The following ZYG11A variants were observed in gnomAD, a reference collection of about 807,000 sequenced individuals.
ZYG11A encodes the protein zyg-11 family member A, cell cycle regulator.
A neutral mutation model predicts 77.2 loss-of-function variants in ZYG11A; 62 were observed. The observed-to-expected ratio is 0.80, with a 90% CI of 0.65 to 0.99. The LOEUF (loss-of-function observed/expected upper bound fraction) is 0.99. Ranked by LOEUF, ZYG11A falls within the 50% of genes least tolerant of loss-of-function variation. The probability of loss-of-function intolerance (pLI) is 0.00; values close to 1 mark genes in which losing one functional copy is unlikely to be tolerated. For synonymous variants in ZYG11A, 315 were observed against 324.6 expected (o/e 0.97, Z 0.32); for missense variants, 828 against 896.8 (o/e 0.92, Z 0.98).
chr1:52,847,732 C>T (rs1278780134), intron 1 of ZYG11A, among the ~76,000 whole-genome samples: 1 of 149,174 alleles, frequency 6.7e-6, no homozygotes, highest in Admixed American at 6.7e-5. Flanking sequence ...TGCAGTGGCG[C>T]GATCTCGGTT....
At position 52,892,882 on chromosome 1, in the gene ZYG11A, A is replaced by G; in HGVS notation, c.2205A>G (p.Ala735=). Reference sequence around the variant, plus strand: ...CAACCCCCAAAGCACAGCAGATTGCAGCCTCCATTCTGGATGACTTCAGAA... The same window carrying G: ...CAACCCCCAAAGCACAGCAGATTGCGGCCTCCATTCTGGATGACTTCAGAA... The part of the protein sequence containing the change: ...SEATPKAQQI[A]ASILDDFRMH... Residue 735 remains alanine, a synonymous_variant, in exon 14 of 14, where the codon GCA becomes GCG. Transcript: ENST00000371528. 1 of 1,551,848 alleles carries G rather than the reference A, an allele frequency of 6.4e-7. No homozygotes were observed. Among genetic ancestry groups the G allele is most frequent in the East Asian group, 2.4e-5 (1 of 40,926 alleles).
chr1:52,884,482 CGA>C (rs2150020390), intron 11 of ZYG11A, among the ~76,000 whole-genome samples: 1 of 110,968 alleles, frequency 9.0e-6, no homozygotes, highest in South Asian at 3.2e-4. Context: ...GGCAACAGAG[CGA>C]GACTGCCTCA....
At chr1:52,867,078 T>C (rs1370879900) in intron 6 of ZYG11A, among the ~76,000 whole-genome samples, 1 of 152,194 alleles carries the variant, frequency 6.6e-6, no homozygotes, top group East Asian at 1.9e-4. Flanking sequence ...ACATTTATAA[T>C]AGTTGACATA....
chr1:52,885,490 C>T (rs1251462486), intron 11 of ZYG11A, among the ~76,000 whole-genome samples: 2 of 152,184 alleles, frequency 1.3e-5, no homozygotes, highest in East Asian at 1.9e-4. Flanking sequence ...AGGCGTGAGC[C>T]ACTGTGCCCA....
At chr1:52,867,843 A>G in intron 8 of ZYG11A, 66 bp downstream of exon 8, 1 of 1,352,888 alleles carries the variant, frequency 7.4e-7, no homozygotes, top group African/African-American at 1.5e-5. Context: ...ATAGCTTAAA[A>G]AAAAAATCAA....
chr1:52,863,176 G>A (rs1340451370), intron 4 of ZYG11A, among the ~76,000 whole-genome samples: 1 of 152,128 alleles, frequency 6.6e-6, no homozygotes, highest in African/African-American at 2.4e-5. Flanking sequence ...GTATATCCCA[G>A]GTCTGTCTCT....
At chr1:52,886,318 C>G (rs1299879105) in intron 12 of ZYG11A, among the ~76,000 whole-genome samples, 1 of 152,100 alleles carries the variant, frequency 6.6e-6, no homozygotes, top group Non-Finnish European at 1.5e-5. Context: ...AATCCTATTT[C>G]TCTGATATTG....
At chr1:52,892,673 C>T (rs1646566223) in intron 13 of ZYG11A, 109 bp from the exon 14 acceptor site, 3 of 966,280 alleles carry the variant, frequency 3.1e-6, no homozygotes, top group Non-Finnish European at 4.6e-6. Flanking sequence ...ATTCCTAGGC[C>T]AAAGAGCTTA....
chr1:52,866,711 A>G, intron 6 of ZYG11A, 144 bp downstream of exon 6: 1 of 535,400 alleles, frequency 1.9e-6, no homozygotes, highest in Non-Finnish European at 3.4e-6. Context: ...GTACCCTACT[A>G]GAAAATGTTG....
intron 6 of ZYG11A, 118 bp from the exon 7 acceptor site, chr1:52,867,420 AT>A (rs1646046264): frequency 4.3e-6 from 3 of 692,638 alleles, no homozygotes; most frequent in Non-Finnish European, 7.3e-6. Context: ...ATAGCTGAGG[AT>A]TTAAAAGTCC....
Position 52,857,598 on chromosome 1 carries a change from A to G in ZYG11A, c.857A>G (p.Asn286Ser), listed in dbSNP as rs937117670. The change falls in exon 3 of 14, where the codon AAT becomes AGT. Residue 286 changes from asparagine to serine, a missense_variant. Physicochemically the swap from Asn to Ser is conservative, Grantham distance 46. Transcript: ENST00000371528. Reference sequence around the variant, plus strand: ...CTACAGCAGAAGGATATCCTGCCCAATGTTGTGTCATTGGATATTTCTGGG... The same window carrying G: ...CTACAGCAGAAGGATATCCTGCCCAGTGTTGTGTCATTGGATATTTCTGGG... ...HLLQQKDILPNVVSLDISGGN... is the reference protein window; with the variant it reads ...HLLQQKDILPSVVSLDISGGN... 11 of 1,551,864 alleles carry G rather than the reference A, an allele frequency of 7.1e-6. No individual in the cohort carries two copies. The Admixed American group carries it at 7.8e-5, about 11-fold the overall frequency.
intron 8 of ZYG11A, among the ~76,000 whole-genome samples, chr1:52,873,310 C>T (rs1050098541): frequency 2.6e-5 from 4 of 152,096 alleles, no homozygotes. Flanking sequence ...AATACCCTGT[C>T]TCAAAAACAA....
intron 13 of ZYG11A, among the ~76,000 whole-genome samples, chr1:52,888,807 G>A (rs1646490263): frequency 6.6e-6 from 1 of 152,226 alleles, no homozygotes; most frequent in Non-Finnish European, 1.5e-5. Flanking sequence ...CTGGGGAACA[G>A]AGCAAGACTC....
In ZYG11A at chr1:52,857,054, C is replaced by G. The variant is rs1378439522; in HGVS notation, c.313C>G (p.Leu105Val). 1.3e-6 allele frequency: 2 copies of G among 1,550,134 alleles called. No homozygotes were observed. Among genetic ancestry groups the G allele is most frequent in the Non-Finnish European group, 1.7e-6 (2 of 1,146,116 alleles). Residue 105 changes from leucine (L) to valine (V), a missense_variant, in exon 3 of 14, where the codon CTG becomes GTG. Physicochemically the swap from Leu to Val is conservative, Grantham distance 32 (BLOSUM62 1). Transcript: ENST00000371528. Reference sequence around the variant, plus strand: ...CCGAGGCAACCAAATGAAACTGAAGCTGGTCAATATCCAAAAAGCTAAAAT... The same window carrying G: ...CCGAGGCAACCAAATGAAACTGAAGGTGGTCAATATCCAAAAAGCTAAAAT... ...IFRGNQMKLK[L>V]VNIQKAKIST...
intron 6 of ZYG11A, among the ~76,000 whole-genome samples, chr1:52,867,194 A>G (rs1311933410): frequency 1.3e-5 from 2 of 152,192 alleles, no homozygotes; most frequent in Non-Finnish European, 2.9e-5. Flanking sequence ...TTGCTGCAGC[A>G]TTTTAGCATT....
chr1:52,892,147 C>G lies in ZYG11A; in HGVS notation c.2105-635C>G, dbSNP rs1209532343. On this transcript the variant is annotated intron_variant, in intron 13 of 13. Coordinates refer to ENST00000371528, the MANE Select transcript of ZYG11A (RefSeq NM_001004339.3). Reference sequence around the variant, plus strand: ...ATCTCCTGACCTCATGATCCGCCCGCCTCGGCCTCCCAAAGTGCTGGGATT... The same window carrying G: ...ATCTCCTGACCTCATGATCCGCCCGGCTCGGCCTCCCAAAGTGCTGGGATT... 2.0e-5 allele frequency among the ~76,000 whole-genome samples: 3 copies of G among 149,794 alleles called. No homozygotes were observed. In the East Asian group the frequency reaches 6.1e-4, roughly 30 times the overall value.
At chr1:52,859,568 C>G (rs1353103075) in intron 3 of ZYG11A, among the ~76,000 whole-genome samples, 2 of 151,568 alleles carry the variant, frequency 1.3e-5, no homozygotes. Flanking sequence ...ATCTCCTGAC[C>G]TCGTGATCTG....
intron 13 of ZYG11A, among the ~76,000 whole-genome samples, chr1:52,891,101 T>C (rs973922285): frequency 6.6e-6 from 1 of 151,818 alleles, no homozygotes; most frequent in African/African-American, 2.4e-5. Flanking sequence ...GATTTCACCA[T>C]GTTGGACAGG....
Position 52,877,680 on chromosome 1 carries a change from A to G in ZYG11A, c.1543-2A>G. The G allele has an allele frequency of 1.3e-6, 2 of 1,544,298 alleles. No individual in the cohort carries two copies. Among genetic ancestry groups the G allele is most frequent in the Admixed American group, 4.1e-5 (2 of 48,700 alleles). On this transcript the variant is annotated splice_acceptor_variant, in intron 8 of 13. Transcript: ENST00000371528. LOFTEE classifies it high-confidence loss of function. ...CTCCCTCCCTGTCTCTTTGGTTTTT[A>G]GGAACTTCTAGCAATAGTAAAACAA...
Sources: allele counts gnomAD v4.1 joint callset (sites outside exome capture counted in the v4.1 genomes callset), GRCh38; gene constraint gnomAD v4.1.1; transcripts MANE v1.5; gene names NCBI Gene and HGNC (gene_info 2026-07-23, HGNC 2026-07-21).